The following VPS13A variants were observed in gnomAD, a reference collection of about 807,000 sequenced individuals.
The protein encoded by VPS13A is intermembrane lipid transfer protein VPS13A.
A neutral mutation model predicts 390.9 loss-of-function variants in VPS13A; 264 were observed. The ratio of observed to expected loss-of-function variants is 0.68; its 90% CI spans 0.61 to 0.75. The LOEUF (loss-of-function observed/expected upper bound fraction) is 0.75, where lower values mean the gene tolerates loss of function less well. Ranked by LOEUF, VPS13A falls within the 30% of genes least tolerant of loss-of-function variation. VPS13A has a pLI of 0.00. For synonymous variants in VPS13A, 1,231 were observed against 1,227.1 expected, an observed-to-expected ratio of 1.00 and a Z score of -0.07; for missense variants, 3,409 against 3,733.9, an observed-to-expected ratio of 0.91 and a Z score of 2.27.
rs1835218110 is a variant in VPS13A, at chr9:77,417,871, C to T, written c.*1865C>T. On this transcript the variant is annotated 3_prime_UTR_variant, in exon 72 of 72. Transcript: ENST00000360280. ...GGATAGTGCCTGTCTTTCCTGTTCC[C>T]TTGCCATAAGAACCGTGAAATCTCT... is the stretch of plus-strand genomic sequence containing the variant. 1 of 152,118 alleles carries T rather than the reference C, an allele frequency of 6.6e-6. No homozygotes were observed. Among genetic ancestry groups the T allele is most frequent in the African/African-American group, 2.4e-5 (1 of 41,414 alleles). 9.4% of individuals were successfully genotyped at this position (152,118 alleles called of 1,614,324 possible). A position where few individuals can be genotyped will look rare whatever the true frequency, so the allele number is the denominator to read the frequency against.
chr9:77,291,828 T>C (rs1827683381), intron 31 of VPS13A, among the ~76,000 whole-genome samples: 1 of 152,058 alleles, frequency 6.6e-6, no homozygotes, highest in Non-Finnish European at 1.5e-5. Context: ...AGAAATGGAG[T>C]ATTCTTGGCC....
intron 59 of VPS13A, among the ~76,000 whole-genome samples, chr9:77,363,404 ATTTTTTTTT>A (rs61370510): frequency 1.3e-5 from 1 of 78,354 alleles, no homozygotes. Context: ...TTTTTTTTTT[ATTTTTTTTT>A]TTTTTTGAGA....
At chr9:77,262,765 A>C (rs1426084214) in intron 23 of VPS13A, among the ~76,000 whole-genome samples, 1 of 152,090 alleles carries the variant, frequency 6.6e-6, no homozygotes, top group Admixed American at 6.6e-5. Context: ...ACATGAACTC[A>C]TCCTTTTTTA....
intron 71 of VPS13A, among the ~76,000 whole-genome samples, chr9:77,413,277 C>G (rs371791117): frequency 2.6e-5 from 4 of 152,160 alleles, no homozygotes; most frequent in Admixed American, 6.6e-5. Flanking sequence ...GAGCCCACAT[C>G]GCCAAGTCAA....
chr9:77,403,712 A>G (rs1834480954), intron 69 of VPS13A, among the ~76,000 whole-genome samples: 1 of 152,228 alleles, frequency 6.6e-6, no homozygotes, highest in African/African-American at 2.4e-5. Context: ...AAGTGGATAT[A>G]CTAGTAGAAG....
chr9:77,276,750 C>T (rs1166344872), intron 26 of VPS13A, among the ~76,000 whole-genome samples: 1 of 152,152 alleles, frequency 6.6e-6, no homozygotes, highest in East Asian at 1.9e-4. Context: ...TGCCCTTAGG[C>T]CTCAGTTGCT....
chr9:77,406,083 G>T, intron 70 of VPS13A, 96 bp downstream of exon 70: 12 of 1,503,936 alleles, frequency 8.0e-6, no homozygotes, highest in Non-Finnish European at 1.1e-5. Context: ...CTCTTTTATA[G>T]ATGTCACTTT....
intron 71 of VPS13A, among the ~76,000 whole-genome samples, chr9:77,415,665 T>G (rs575637823): frequency 6.6e-6 from 1 of 152,284 alleles, no homozygotes; most frequent in Admixed American, 6.5e-5. Context: ...TCAGCACAGA[T>G]TGGAAGGAAT....
At chr9:77,257,705 A>G (rs1307271776) in intron 22 of VPS13A, among the ~76,000 whole-genome samples, 1 of 152,186 alleles carries the variant, frequency 6.6e-6, no homozygotes, top group East Asian at 1.9e-4. Flanking sequence ...GGTTGAGGCT[A>G]CGGTGGGTTA....
At chr9:77,398,149 A>G (rs560860659) in intron 68 of VPS13A, among the ~76,000 whole-genome samples, 22 of 152,158 alleles carry the variant, frequency 1.4e-4, no homozygotes, top group South Asian at 6.2e-4. Flanking sequence ...TTTTGACACT[A>G]AATTATTTGA....
chr9:77,334,237 A>C (rs937697959), intron 46 of VPS13A, among the ~76,000 whole-genome samples: 2 of 152,186 alleles, frequency 1.3e-5, no homozygotes, highest in African/African-American at 4.8e-5. Context: ...AATTTGAAAG[A>C]TAAGTTCACA....
At chr9:77,221,121 C>G (rs774174905) in intron 12 of VPS13A, 64 bp from the exon 13 acceptor site, 1 of 1,460,094 alleles carries the variant, frequency 6.8e-7, no homozygotes, top group Non-Finnish European at 9.6e-7. Context: ...AGAGTAGAAG[C>G]AATGTCAGTA....
At chr9:77,316,487 T>C in intron 39 of VPS13A, 81 bp downstream of exon 39, 1 of 1,186,112 alleles carries the variant, frequency 8.4e-7, no homozygotes, top group Non-Finnish European at 1.2e-6. Context: ...AAAAACTACC[T>C]ACATGCTTTC....
intron 1 of VPS13A, among the ~76,000 whole-genome samples, chr9:77,196,512 C>G (rs535773947): frequency 3.3e-5 from 5 of 152,250 alleles, no homozygotes; most frequent in African/African-American, 9.6e-5. Flanking sequence ...CCTCTGGCAA[C>G]CACTATTCTA....
At chr9:77,318,737 A>G in intron 41 of VPS13A, 146 bp downstream of exon 41, 1 of 839,704 alleles carries the variant, frequency 1.2e-6, no homozygotes, top group Non-Finnish European at 1.8e-6. Context: ...CTTTTAGAAA[A>G]AAGTTTTCAA....
At chr9:77,299,724 C>T (rs1263050847) in intron 33 of VPS13A, among the ~76,000 whole-genome samples, 1 of 152,184 alleles carries the variant, frequency 6.6e-6, no homozygotes, top group Non-Finnish European at 1.5e-5. Flanking sequence ...CACATATACA[C>T]CATGGAATGC....
chr9:77,228,257 G>T lies in VPS13A; in HGVS notation c.1588G>T (p.Ala530Ser), dbSNP rs1356333606. 2 of 1,593,334 alleles carry T rather than the reference G, an allele frequency of 1.3e-6. No individual in the cohort carries two copies. The highest frequency in any genetic ancestry group is 1.7e-6 in the Non-Finnish European group (2 of 1,168,924). Residue 530 changes from alanine to serine, a missense_variant, in exon 17 of 72, where the codon GCA becomes TCA. This residue lies in a region of VPS13A where 2,717 missense variants were observed against 2,917.4 expected (regional missense o/e 0.93). Coordinates refer to ENST00000360280, the MANE Select transcript of VPS13A (RefSeq NM_033305.3). Reference sequence around the variant, plus strand: ...AATTGTGCAAAGACCAGGAGCACAAGCAATAAAGTAAGTATTAATTTATCT... The same window carrying T: ...AATTGTGCAAAGACCAGGAGCACAATCAATAAAGTAAGTATTAATTTATCT... ...TLIVQRPGAQ[A>S]IKFETKIDSF... is the part of the protein sequence containing the mutation.
intron 19 of VPS13A, among the ~76,000 whole-genome samples, chr9:77,244,301 A>G (rs1036816203): frequency 6.6e-6 from 1 of 152,074 alleles, no homozygotes; most frequent in Non-Finnish European, 1.5e-5. Context: ...AGCGTTCCCT[A>G]GGAAGAGGTC....
intron 44 of VPS13A, among the ~76,000 whole-genome samples, chr9:77,322,311 A>G (rs930757644): frequency 6.6e-6 from 1 of 151,752 alleles, no homozygotes; most frequent in Non-Finnish European, 1.5e-5. Flanking sequence ...TTAAAGTATC[A>G]TAATATGTAG....
Sources: gnomAD v4.1 joint callset for allele counts (sites outside exome capture counted in the v4.1 genomes callset) on GRCh38, gnomAD v4.1.1 for gene constraint, gnomAD v4.1.1 regional missense constraint, MANE v1.5 for transcripts, NCBI Gene and HGNC (gene_info 2026-07-23, HGNC 2026-07-21) for gene names.